RAB2A: variants seen among roughly 807,000 people sequenced by gnomAD.
RAB2A encodes the protein ras-related protein Rab-2A.
In RAB2A, 7 loss-of-function variants were observed where a neutral mutation model predicts 32.5. The observed-to-expected ratio is 0.22, with a 90% CI of 0.12 to 0.40. The LOEUF (loss-of-function observed/expected upper bound fraction) is 0.40, where lower values mean the gene tolerates loss of function less well. Ranked by LOEUF, RAB2A falls within the 10% of genes least tolerant of loss-of-function variation. RAB2A has a pLI of 1.00. For synonymous variants in RAB2A, 79 were observed against 85.2 expected, an observed-to-expected ratio of 0.93 and a Z score of 0.40; for missense variants, 108 against 260.7, an observed-to-expected ratio of 0.41 and a Z score of 4.03.
intron 1 of RAB2A, chr8:60,558,309 C>T (rs533034013): frequency 2.8e-4 from 117 of 420,398 alleles, no homozygotes; most frequent in Non-Finnish European, 4.9e-4. Context: ...ATGTGGGAGT[C>T]ATTCATGACC....
At chr8:60,602,963 T>A (rs1338454899) in intron 6 of RAB2A, among the ~76,000 whole-genome samples, 2 of 152,156 alleles carry the variant, frequency 1.3e-5, no homozygotes, top group Admixed American at 1.3e-4. Flanking sequence ...CTCAGCTTGC[T>A]CTCTGGAGGA....
At chr8:60,524,808 T>C (rs1168267835) in intron 1 of RAB2A, among the ~76,000 whole-genome samples, 1 of 152,190 alleles carries the variant, frequency 6.6e-6, no homozygotes, top group Non-Finnish European at 1.5e-5. Flanking sequence ...CATGGGCCTT[T>C]TTTGCTTATT....
Position 60,623,017 on chromosome 8 carries a change from C to T in RAB2A, c.*2248C>T, listed in dbSNP as rs1365369468. 2 of 152,004 alleles carry T rather than the reference C, an allele frequency of 1.3e-5. No homozygotes were observed. Among genetic ancestry groups the T allele is most frequent in the Admixed American group, 6.6e-5 (1 of 15,246 alleles). The allele number at this position is 152,004 out of a possible 1,614,324, so 9.4% of individuals were successfully genotyped here. A position where few individuals can be genotyped will look rare whatever the true frequency, so the allele number is the denominator to read the frequency against. On this transcript the variant is annotated 3_prime_UTR_variant, in exon 8 of 8. Transcript: ENST00000262646. ...TGTAATTGAATTTTTAGTTGATCTT[C>T]GATCAGTTTTTATAGCATCTATGGA...
chr8:60,521,384 A>G (rs536634745), intron 1 of RAB2A, among the ~76,000 whole-genome samples: 14 of 152,312 alleles, frequency 9.2e-5, no homozygotes, highest in African/African-American at 3.1e-4. Context: ...ATAACATAAA[A>G]TGGAGTCCCT....
intron 2 of RAB2A, among the ~76,000 whole-genome samples, chr8:60,561,784 C>T (rs772187444): frequency 1.3e-5 from 2 of 152,176 alleles, no homozygotes; most frequent in Non-Finnish European, 2.9e-5. Context: ...AACATGGTTT[C>T]CAAATTGGTA....
chr8:60,518,480 A>T (rs536508488), intron 1 of RAB2A, among the ~76,000 whole-genome samples: 1 of 150,344 alleles, frequency 6.7e-6, no homozygotes, highest in African/African-American at 2.4e-5. Flanking sequence ...ACGTGGTGAA[A>T]CCCCGTCTCT....
rs562168076 is a variant in RAB2A at position 60,603,001 on chromosome 8, A to G, written c.474+11032A>G. Among the ~76,000 whole-genome samples the G allele has an allele frequency of 2.4e-4, 37 of 152,226 alleles. No homozygotes were observed. In the South Asian group the frequency reaches 5.8e-3, roughly 24 times the overall value. ...CTCTTCTATGAGAGCTGATCATGTG[A>G]TGGGTTAAGAATAAGGCAGGTATTC... On this transcript the variant is annotated intron_variant, in intron 6 of 7. Coordinates refer to ENST00000262646, the MANE Select transcript of RAB2A (RefSeq NM_002865.3).
At chr8:60,533,158 A>G (rs561095562) in intron 1 of RAB2A, among the ~76,000 whole-genome samples, 2 of 152,366 alleles carry the variant, frequency 1.3e-5, no homozygotes, top group East Asian at 1.9e-4. Flanking sequence ...TTAGTTTTAC[A>G]TTACTTGATT....
intron 3 of RAB2A, among the ~76,000 whole-genome samples, chr8:60,580,065 C>T (rs562673011): frequency 6.7e-6 from 1 of 149,280 alleles, no homozygotes; most frequent in African/African-American, 2.5e-5. Flanking sequence ...GGCATGATCT[C>T]GGCTCATTGT....
intron 1 of RAB2A, among the ~76,000 whole-genome samples, chr8:60,543,355 C>T (rs961940409): frequency 9.5e-6 from 1 of 105,818 alleles, no homozygotes; most frequent in Non-Finnish European, 1.9e-5. Flanking sequence ...GGCAGCAGAA[C>T]TGTACTCTCT....
chr8:60,541,224 A>G (rs1275665707), intron 1 of RAB2A, among the ~76,000 whole-genome samples: 2 of 152,164 alleles, frequency 1.3e-5, no homozygotes, highest in Non-Finnish European at 2.9e-5. Flanking sequence ...CCTAATCAGT[A>G]CTCAAAACTG....
chr8:60,603,329 A>G (rs1329643879), intron 6 of RAB2A, among the ~76,000 whole-genome samples: 2 of 152,346 alleles, frequency 1.3e-5, no homozygotes, highest in South Asian at 2.1e-4. Context: ...TTACTGTAAT[A>G]CAAGTGGACA....
At chr8:60,544,208 T>C in intron 1 of RAB2A, among the ~76,000 whole-genome samples, 1 of 151,992 alleles carries the variant, frequency 6.6e-6, no homozygotes, top group Middle Eastern at 3.4e-3. Flanking sequence ...TTCGGCTAAT[T>C]TTTATATTTT....
At chr8:60,547,914 T>A (rs1807769572) in intron 1 of RAB2A, among the ~76,000 whole-genome samples, 1 of 111,890 alleles carries the variant, frequency 8.9e-6, no homozygotes, top group Non-Finnish European at 1.8e-5. Flanking sequence ...ACGGGGCGGC[T>A]GGCCGGGCAG....
intron 6 of RAB2A, among the ~76,000 whole-genome samples, chr8:60,614,791 G>GA (rs1160500333): frequency 1.3e-5 from 2 of 152,298 alleles, no homozygotes; most frequent in Non-Finnish European, 2.9e-5. Flanking sequence ...GAAAGCAAGA[G>GA]AATGAATGGC....
intron 1 of RAB2A, among the ~76,000 whole-genome samples, chr8:60,517,964 T>C (rs1807236166): frequency 6.6e-6 from 1 of 152,118 alleles, no homozygotes; most frequent in Non-Finnish European, 1.5e-5. Context: ...TATAGTAATG[T>C]AAAGTCGTTC....
chr8:60,610,310 T>G (rs1804320609), intron 6 of RAB2A, among the ~76,000 whole-genome samples: 1 of 152,188 alleles, frequency 6.6e-6, no homozygotes. Context: ...AAGACATTAG[T>G]AACTAGGAAG....
intron 6 of RAB2A, among the ~76,000 whole-genome samples, chr8:60,617,077 G>A (rs1026118212): frequency 3.3e-5 from 5 of 152,314 alleles, no homozygotes; most frequent in Admixed American, 1.3e-4. Flanking sequence ...AATGCTAATT[G>A]AAGAGGACTT....
At chr8:60,579,395 C>T (rs939775854) in intron 3 of RAB2A, among the ~76,000 whole-genome samples, 1 of 152,192 alleles carries the variant, frequency 6.6e-6, no homozygotes. Context: ...GCCAAGAGAA[C>T]TTACTGTCCA....
Sources: gnomAD v4.1 joint callset for allele counts (sites outside exome capture counted in the v4.1 genomes callset) on GRCh38, gnomAD v4.1.1 for gene constraint, MANE v1.5 for transcripts, NCBI Gene and HGNC (gene_info 2026-07-23, HGNC 2026-07-21) for gene names.